Variants in NWD2 observed in about 807,000 individuals in gnomAD.
NWD2 encodes NACHT and WD repeat domain containing 2.
In NWD2, 37 loss-of-function variants were observed where a neutral mutation model predicts 132.7. That is an observed-to-expected ratio of 0.28 (90% CI 0.21 to 0.37). The LOEUF is 0.37. NWD2 is among the 10% of genes least tolerant of loss of function. NWD2 has a pLI of 1.00. For synonymous variants in NWD2, 705 were observed against 803.0 expected, an observed-to-expected ratio of 0.88 and a Z score of 2.06; for missense variants, 1,592 against 2,122.4, an observed-to-expected ratio of 0.75 and a Z score of 4.91.
chr4:37,389,791 T>A (rs1720644173), intron 3 of NWD2, among the ~76,000 whole-genome samples: 2 of 151,992 alleles, frequency 1.3e-5, no homozygotes, highest in African/African-American at 4.8e-5. Context: ...ACGCATTTTT[T>A]TTTTTACACA....
intron 3 of NWD2, among the ~76,000 whole-genome samples, chr4:37,383,035 CAA>C (rs1292774398): frequency 6.6e-6 from 1 of 152,174 alleles, no homozygotes; most frequent in Non-Finnish European, 1.5e-5. Flanking sequence ...GTTGTTGTCT[CAA>C]GAGCCTGCTG....
At chr4:37,271,247 TATTAAAATCTGTCAA>T (rs1286880426) in intron 1 of NWD2, among the ~76,000 whole-genome samples, 5 of 151,946 alleles carry the variant, frequency 3.3e-5, no homozygotes, top group African/African-American at 1.2e-4. Context: ...TCCATGTAAA[TATTAAAATCTGTCAA>T]GTTCTATAAA....
chr4:37,360,851 A>C (rs1004218015), intron 3 of NWD2, among the ~76,000 whole-genome samples: 2 of 152,110 alleles, frequency 1.3e-5, no homozygotes, highest in African/African-American at 2.4e-5. Context: ...CATCCCTCCA[A>C]ATGTGGAGTA....
intron 2 of NWD2, among the ~76,000 whole-genome samples, chr4:37,349,376 T>A (rs1719716658): frequency 6.6e-6 from 1 of 152,226 alleles, no homozygotes; most frequent in African/African-American, 2.4e-5. Context: ...ATCACCATTC[T>A]AACTGGCATG....
chr4:37,441,913 A>T (rs1337900569), intron 6 of NWD2, among the ~76,000 whole-genome samples: 1 of 152,164 alleles, frequency 6.6e-6, no homozygotes, highest in East Asian at 1.9e-4. Flanking sequence ...CTCTACAGAC[A>T]TCACATGTTC....
intron 1 of NWD2, among the ~76,000 whole-genome samples, chr4:37,316,402 C>G (rs1718958872): frequency 6.6e-6 from 1 of 151,678 alleles, no homozygotes; most frequent in Admixed American, 6.6e-5. Context: ...CTCTTGGTGT[C>G]AAGATTTTCT....
intron 1 of NWD2, among the ~76,000 whole-genome samples, chr4:37,245,945 A>G (rs1717235989): frequency 6.6e-6 from 1 of 152,230 alleles, no homozygotes; most frequent in Admixed American, 6.5e-5. Context: ...ATTCACAACC[A>G]CAGAGGTTGA....
chr4:37,275,209 G>A (rs1422677012), intron 1 of NWD2, among the ~76,000 whole-genome samples: 1 of 152,148 alleles, frequency 6.6e-6, no homozygotes, highest in Non-Finnish European at 1.5e-5. Flanking sequence ...ATCTCCTTAT[G>A]CTGATAAGCA....
intron 3 of NWD2, among the ~76,000 whole-genome samples, chr4:37,407,074 G>T (rs980178851): frequency 3.9e-5 from 6 of 152,104 alleles, no homozygotes; most frequent in African/African-American, 1.2e-4. Flanking sequence ...TCAGCAGGGT[G>T]GGGGGCTAGG....
intron 1 of NWD2, among the ~76,000 whole-genome samples, chr4:37,323,136 G>A (rs1719102109): frequency 6.6e-6 from 1 of 152,126 alleles, no homozygotes; most frequent in African/African-American, 2.4e-5. Flanking sequence ...TCATAGGGTT[G>A]TGGTCAGCAG....
chr4:37,302,195 A>G (rs1431370758), intron 1 of NWD2, among the ~76,000 whole-genome samples: 1 of 151,872 alleles, frequency 6.6e-6, no homozygotes, highest in Non-Finnish European at 1.5e-5. Flanking sequence ...CCCACATGTG[A>G]GTGTGAACAT....
chr4:37,334,472 T>A (rs989583131), intron 2 of NWD2, among the ~76,000 whole-genome samples: 3 of 152,198 alleles, frequency 2.0e-5, no homozygotes, highest in Non-Finnish European at 4.4e-5. Context: ...TTGCTTCCTA[T>A]CAGACATACC....
chr4:37,311,729 C>A (rs989953855), intron 1 of NWD2, among the ~76,000 whole-genome samples: 1 of 148,786 alleles, frequency 6.7e-6, no homozygotes, highest in South Asian at 2.1e-4. Flanking sequence ...ATGGTAATGC[C>A]TAGGTTTTCT....
intron 3 of NWD2, among the ~76,000 whole-genome samples, chr4:37,357,990 A>C (rs1335544068): frequency 1.3e-5 from 2 of 152,124 alleles, no homozygotes; most frequent in Admixed American, 1.3e-4. Flanking sequence ...AACAAGTATG[A>C]ATAGGGAGGA....
chr4:37,408,394 C>T (rs1039386690), intron 3 of NWD2, among the ~76,000 whole-genome samples: 8 of 152,182 alleles, frequency 5.3e-5, no homozygotes, highest in Non-Finnish European at 1.5e-5. Flanking sequence ...GTTTTATGCT[C>T]ACAGTGTAAA....
At chr4:37,372,910 C>T (rs140978881) in intron 3 of NWD2, among the ~76,000 whole-genome samples, 10 of 152,334 alleles carry the variant, frequency 6.6e-5, no homozygotes, top group Non-Finnish European at 1.2e-4. Context: ...TGAATGCCCT[C>T]TGACTGTCCT....
chr4:37,265,617 A>G (rs1266164570), intron 1 of NWD2, among the ~76,000 whole-genome samples: 1 of 152,056 alleles, frequency 6.6e-6, no homozygotes, highest in Non-Finnish European at 1.5e-5. Flanking sequence ...CAGTGCCAGT[A>G]GCATGACATC....
chr4:37,381,834 A>T (rs1720459163), intron 3 of NWD2, among the ~76,000 whole-genome samples: 1 of 152,236 alleles, frequency 6.6e-6, no homozygotes, highest in African/African-American at 2.4e-5. Flanking sequence ...AAAGTTTAAA[A>T]ATCAATGTTC....
chr4:37,388,306 C>T (rs1425897020), intron 3 of NWD2, among the ~76,000 whole-genome samples: 1 of 151,936 alleles, frequency 6.6e-6, no homozygotes, highest in Non-Finnish European at 1.5e-5. Context: ...GCCTCAGCCT[C>T]CCAAGTAGCC....
Sources: allele counts gnomAD v4.1 joint callset (sites outside exome capture counted in the v4.1 genomes callset), GRCh38; gene constraint gnomAD v4.1.1; transcripts MANE v1.5; gene names NCBI Gene and HGNC (gene_info 2026-07-23, HGNC 2026-07-21).